The following GRM8 variants were observed in gnomAD, a reference collection of about 807,000 sequenced individuals.
GRM8 encodes the protein metabotropic glutamate receptor 8.
GRM8 carries 47 observed loss-of-function variants against 87.2 expected under a neutral mutation model. The observed-to-expected ratio is 0.54, with a 90% CI of 0.43 to 0.69. The LOEUF is 0.69. Ranked by LOEUF, GRM8 falls within the 30% of genes least tolerant of loss-of-function variation. The pLI is 0.00. For missense variants in GRM8, 1,019 were observed against 1,139.2 expected (o/e 0.89, Z 1.52); for synonymous variants, 396 against 404.5 (o/e 0.98, Z 0.25).
At chr7:126,977,437 T>C (rs759413200) in intron 3 of GRM8, among the ~76,000 whole-genome samples, 1 of 152,190 alleles carries the variant, frequency 6.6e-6, no homozygotes, top group Non-Finnish European at 1.5e-5. Flanking sequence ...GGGTACTGCT[T>C]GTCTAAGAAA....
intron 3 of GRM8, among the ~76,000 whole-genome samples, chr7:127,001,356 ATATAGAC>A (rs1184893610): frequency 6.6e-6 from 1 of 151,672 alleles, no homozygotes; most frequent in African/African-American, 2.4e-5. Flanking sequence ...TAATATAGAA[ATATAGAC>A]TATAATTACA....
At chr7:126,809,677 C>T (rs1793110208) in intron 6 of GRM8, among the ~76,000 whole-genome samples, 2 of 152,254 alleles carry the variant, frequency 1.3e-5, no homozygotes, top group African/African-American at 4.8e-5. Context: ...AACTACCATC[C>T]TCTCATCAAT....
chr7:126,944,017 C>T, intron 3 of GRM8, among the ~76,000 whole-genome samples: 1 of 152,026 alleles, frequency 6.6e-6, no homozygotes, highest in East Asian at 1.9e-4. Context: ...ATCTGCTGAC[C>T]TCCTTCTTGT....
chr7:127,178,517 T>A (rs1443325531), intron 2 of GRM8, among the ~76,000 whole-genome samples: 2 of 152,164 alleles, frequency 1.3e-5, no homozygotes, highest in Non-Finnish European at 2.9e-5. Flanking sequence ...GGAAAATTCA[T>A]CACAAAAAGA....
intron 6 of GRM8, among the ~76,000 whole-genome samples, chr7:126,871,907 G>T (rs1586269653): frequency 6.6e-6 from 1 of 152,112 alleles, no homozygotes; most frequent in Admixed American, 6.6e-5. Flanking sequence ...ACAACTTTGT[G>T]GTTGATCATA....
intron 7 of GRM8, among the ~76,000 whole-genome samples, chr7:126,655,902 T>C (rs1804470606): frequency 6.6e-6 from 1 of 152,166 alleles, no homozygotes; most frequent in Non-Finnish European, 1.5e-5. Context: ...GTACCTATAT[T>C]TATAGAAACA....
chr7:126,814,432 T>G (rs1339294454), intron 6 of GRM8, among the ~76,000 whole-genome samples: 1 of 152,032 alleles, frequency 6.6e-6, no homozygotes, highest in Non-Finnish European at 1.5e-5. Context: ...AAGAAGCAAT[T>G]CAATATTCTA....
intron 2 of GRM8, among the ~76,000 whole-genome samples, chr7:127,235,361 C>T (rs778864959): frequency 6.6e-6 from 1 of 152,156 alleles, no homozygotes; most frequent in Non-Finnish European, 1.5e-5. Flanking sequence ...TTGCATGTTT[C>T]GAAGAGACAT....
intron 9 of GRM8, among the ~76,000 whole-genome samples, chr7:126,493,184 T>C (rs564260887): frequency 2.6e-4 from 39 of 152,176 alleles, no homozygotes; most frequent in Non-Finnish European, 5.2e-4. Flanking sequence ...TTGATCTTAA[T>C]CTATTCAAAG....
intron 3 of GRM8, among the ~76,000 whole-genome samples, chr7:127,042,481 T>C (rs1818517271): frequency 6.6e-6 from 1 of 152,198 alleles, no homozygotes; most frequent in Admixed American, 6.5e-5. Context: ...CCTTTGCAGA[T>C]TGACAAACCT....
chr7:126,803,055 T>C (rs1404465241), intron 6 of GRM8, among the ~76,000 whole-genome samples: 1 of 152,236 alleles, frequency 6.6e-6, no homozygotes, highest in Non-Finnish European at 1.5e-5. Context: ...AAGAGATCAG[T>C]TTCCAAATAG....
chr7:126,925,430 T>C (rs1586477898), intron 3 of GRM8, among the ~76,000 whole-genome samples: 1 of 152,226 alleles, frequency 6.6e-6, no homozygotes, highest in Non-Finnish European at 1.5e-5. Flanking sequence ...AAGCTGAAGA[T>C]CTAAACAATA....
intron 7 of GRM8, among the ~76,000 whole-genome samples, chr7:126,754,192 A>G (rs1422826891): frequency 2.6e-5 from 4 of 152,038 alleles, no homozygotes; most frequent in Non-Finnish European, 4.4e-5. Context: ...GTTATCAAAT[A>G]GAATACCTAA....
At chr7:126,573,790 T>C (rs1173332146) in intron 8 of GRM8, among the ~76,000 whole-genome samples, 1 of 152,096 alleles carries the variant, frequency 6.6e-6, no homozygotes. Context: ...TTCACCATGT[T>C]GCTCAGGCTG....
intron 6 of GRM8, among the ~76,000 whole-genome samples, chr7:126,820,290 A>C (rs1307464985): frequency 6.6e-6 from 1 of 152,246 alleles, no homozygotes; most frequent in Non-Finnish European, 1.5e-5. Context: ...TTTTGGAAAA[A>C]TAGTTACAGA....
intron 3 of GRM8, among the ~76,000 whole-genome samples, chr7:127,062,098 C>T (rs1299775222): frequency 6.7e-6 from 1 of 148,706 alleles, no homozygotes; most frequent in Admixed American, 6.7e-5. Context: ...GAGCCGATAT[C>T]GTGCCACTGC....
chr7:126,936,484 A>T (rs754384031), intron 3 of GRM8, among the ~76,000 whole-genome samples: 2 of 152,196 alleles, frequency 1.3e-5, no homozygotes, highest in African/African-American at 2.4e-5. Context: ...TTTTAGTTAT[A>T]GAATTCCCTG....
intron 6 of GRM8, among the ~76,000 whole-genome samples, chr7:126,871,896 GAC>G (rs1204346129): frequency 6.6e-6 from 1 of 152,186 alleles, no homozygotes; most frequent in Non-Finnish European, 1.5e-5. Flanking sequence ...CAGTAAAAGA[GAC>G]AACTTTGTGG....
chr7:126,652,149 T>C (rs1274250409), intron 7 of GRM8, among the ~76,000 whole-genome samples: 2 of 152,254 alleles, frequency 1.3e-5, no homozygotes, highest in African/African-American at 4.8e-5. Flanking sequence ...TTTATTTCCT[T>C]TTTCTTTTAA....
Sources: gnomAD v4.1 joint callset for allele counts (sites outside exome capture counted in the v4.1 genomes callset) on GRCh38, gnomAD v4.1.1 for gene constraint, MANE v1.5 for transcripts, NCBI Gene and HGNC (gene_info 2026-07-23, HGNC 2026-07-21) for gene names.